Variants in GSTCD observed in about 807,000 individuals in gnomAD.
GSTCD encodes the protein glutathione S-transferase C-terminal domain-containing protein.
GSTCD carries 44 observed loss-of-function variants against 68.3 expected under a neutral mutation model. The ratio of observed to expected loss-of-function variants is 0.64; its 90% CI spans 0.51 to 0.83. GSTCD has a LOEUF of 0.83. Ranked by LOEUF, GSTCD falls within the 40% of genes least tolerant of loss-of-function variation. The pLI is 0.00. For synonymous variants in GSTCD, 273 were observed against 255.2 expected (o/e 1.07, Z -0.67); for missense variants, 739 against 735.9 (o/e 1.00, Z -0.05).
chr4:105,740,693 T>C (rs937648982), intron 5 of GSTCD, among the ~76,000 whole-genome samples: 3 of 152,150 alleles, frequency 2.0e-5, no homozygotes, highest in African/African-American at 7.2e-5. Context: ...GTAGAACTTT[T>C]TTCATGCGTC....
intron 1 of GSTCD, among the ~76,000 whole-genome samples, chr4:105,712,821 C>T (rs188310391): frequency 1.3e-5 from 2 of 152,034 alleles, no homozygotes; most frequent in East Asian, 3.9e-4. Context: ...TGCCATTTTA[C>T]CAGGAAGTAG....
chr4:105,829,187 T>TAAAAA (rs761947774), intron 8 of GSTCD, among the ~76,000 whole-genome samples: 10 of 114,932 alleles, frequency 8.7e-5, no homozygotes, highest in South Asian at 2.8e-4. Flanking sequence ...CAGCTATAAT[T>TAAAAA]AAAAAAAAAA....
intron 10 of GSTCD, among the ~76,000 whole-genome samples, chr4:105,841,323 CAA>C (rs536874339): frequency 1.5e-5 from 2 of 135,142 alleles, no homozygotes; most frequent in African/African-American, 2.8e-5. Context: ...AACTCCGTCT[CAA>C]AAAAAAAAAA....
intron 5 of GSTCD, among the ~76,000 whole-genome samples, chr4:105,797,045 C>CGTGTGTGTGTGT (rs527275501): frequency 1.4e-4 from 20 of 140,432 alleles, no homozygotes; most frequent in African/African-American, 3.9e-4. Flanking sequence ...GACAGAGATA[C>CGTGTGTGTGTGT]ATGTGTGTGT....
rs574583056 is a variant in GSTCD, at chr4:105,787,192, C to T, written c.1241-35762C>T. ...ACCACTGTCTTAGAGCAATAGTTCCCATACTTTCCATGCATGAGGTTCAAC... is the reference window on the plus strand; with the variant it reads ...ACCACTGTCTTAGAGCAATAGTTCCTATACTTTCCATGCATGAGGTTCAAC... On this transcript the variant is annotated intron_variant, in intron 5 of 11. Coordinates refer to ENST00000515279, the MANE Select transcript of GSTCD (RefSeq NM_001370181.1). 2.0e-5 allele frequency among the ~76,000 whole-genome samples: 3 copies of T among 152,074 alleles called. No individual in the cohort carries two copies. The South Asian group carries it at 6.2e-4, about 32-fold the overall frequency.
At chr4:105,718,592 A>G (rs1180283149) in intron 2 of GSTCD, among the ~76,000 whole-genome samples, 1 of 152,230 alleles carries the variant, frequency 6.6e-6, no homozygotes, top group Non-Finnish European at 1.5e-5. Flanking sequence ...CAAATGGGCT[A>G]ATATACCCTT....
intron 5 of GSTCD, among the ~76,000 whole-genome samples, chr4:105,738,715 A>G (rs1733539715): frequency 6.6e-6 from 1 of 152,098 alleles, no homozygotes; most frequent in Non-Finnish European, 1.5e-5. Flanking sequence ...ATTGTTTATC[A>G]GTTCTAAGAG....
intron 9 of GSTCD, among the ~76,000 whole-genome samples, chr4:105,836,641 G>A (rs956063165): frequency 6.6e-6 from 1 of 152,138 alleles, no homozygotes; most frequent in African/African-American, 2.4e-5. Context: ...GCGGGGGTGG[G>A]GGCTGGCATG....
rs140192423 is a variant in GSTCD at position 105,813,220 on chromosome 4, C to T, written c.1241-9734C>T. Reference sequence around the variant, plus strand: ...GGATTGATATAATAAATAAAATATGCTTAGCACATCGTAATCATTCAGTAG... The same window carrying T: ...GGATTGATATAATAAATAAAATATGTTTAGCACATCGTAATCATTCAGTAG... On this transcript the variant is annotated intron_variant, in intron 5 of 11. Coordinates refer to ENST00000515279, the MANE Select transcript of GSTCD (RefSeq NM_001370181.1). Among the ~76,000 whole-genome samples, 303 of 152,236 alleles carry T rather than the reference C, an allele frequency of 2.0e-3. 3 individuals carry two copies. Among genetic ancestry groups the T allele is most frequent in the African/African-American group, 7.2e-3 (298 of 41,544 alleles).
At chr4:105,726,025 A>C (rs1733018942) in intron 3 of GSTCD, among the ~76,000 whole-genome samples, 1 of 151,894 alleles carries the variant, frequency 6.6e-6, no homozygotes. Context: ...TAGCAATTTG[A>C]CTCTTGGATT....
intron 5 of GSTCD, among the ~76,000 whole-genome samples, chr4:105,812,526 G>A (rs1722797710): frequency 6.6e-6 from 1 of 151,960 alleles, no homozygotes; most frequent in Admixed American, 6.6e-5. Flanking sequence ...ATCAGCTATT[G>A]TCCATTACTT....
intron 5 of GSTCD, among the ~76,000 whole-genome samples, chr4:105,781,558 A>G (rs1307383386): frequency 6.6e-6 from 1 of 151,906 alleles, no homozygotes; most frequent in Non-Finnish European, 1.5e-5. Context: ...TCTCAGCCTA[A>G]TTTTCCTTTC....
At chr4:105,841,961 A>C (rs916672573) in intron 10 of GSTCD, 104 bp from the exon 11 acceptor site, 9 of 773,676 alleles carry the variant, frequency 1.2e-5, no homozygotes, top group Admixed American at 4.1e-5. Context: ...TCAGTTAAAC[A>C]ATGTTGAACT....
At chr4:105,743,936 G>A (rs1733721986) in intron 5 of GSTCD, among the ~76,000 whole-genome samples, 2 of 152,100 alleles carry the variant, frequency 1.3e-5, no homozygotes, top group South Asian at 4.1e-4. Context: ...TGGGATTACA[G>A]GCGTGAGCCA....
chr4:105,726,428 C>T (rs1434840393), intron 3 of GSTCD, 151 bp from the exon 4 acceptor site: 1 of 564,780 alleles, frequency 1.8e-6, no homozygotes, highest in Non-Finnish European at 3.0e-6. Context: ...TGTTCTAAAA[C>T]TAGATGGTTG....
intron 5 of GSTCD, among the ~76,000 whole-genome samples, chr4:105,792,383 T>A (rs186963338): frequency 6.6e-6 from 1 of 152,110 alleles, no homozygotes; most frequent in East Asian, 1.9e-4. Context: ...GCCTGAATGT[T>A]CAGGGAAGAG....
intron 5 of GSTCD, among the ~76,000 whole-genome samples, chr4:105,775,878 T>C (rs1457325269): frequency 6.6e-6 from 1 of 152,200 alleles, no homozygotes; most frequent in Non-Finnish European, 1.5e-5. Context: ...TTGAGTGCTG[T>C]GCTGGGAGAT....
intron 1 of GSTCD, among the ~76,000 whole-genome samples, chr4:105,711,731 C>G (rs972481915): frequency 6.6e-6 from 1 of 152,158 alleles, no homozygotes; most frequent in African/African-American, 2.4e-5. Context: ...AGAATCAGAA[C>G]CAGTATATTT....
At chr4:105,777,472 G>A (rs1735116411) in intron 5 of GSTCD, among the ~76,000 whole-genome samples, 1 of 152,098 alleles carries the variant, frequency 6.6e-6, no homozygotes. Context: ...CTTTCAATAT[G>A]CAGCTTAGAT....
Sources: gnomAD v4.1 joint callset for allele counts (sites outside exome capture counted in the v4.1 genomes callset) on GRCh38, gnomAD v4.1.1 for gene constraint, MANE v1.5 for transcripts, NCBI Gene and HGNC (gene_info 2026-07-23, HGNC 2026-07-21) for gene names.